Variants in PSMA3 observed in about 807,000 individuals in gnomAD.
PSMA3 encodes proteasome subunit alpha type-3.
A neutral mutation model predicts 40.0 loss-of-function variants in PSMA3; 8 were observed. The ratio of observed to expected loss-of-function variants is 0.20; its 90% CI spans 0.12 to 0.36. PSMA3 has a LOEUF of 0.36. Ranked by LOEUF, PSMA3 falls within the 10% of genes least tolerant of loss-of-function variation. PSMA3 has a pLI of 1.00. For synonymous variants in PSMA3, 110 were observed against 100.0 expected (o/e 1.10, Z -0.59); for missense variants, 219 against 310.6 (o/e 0.70, Z 2.22).
intron 3 of PSMA3, among the ~76,000 whole-genome samples, chr14:58,254,340 A>ATATATATGCATATATATATATGTATG: frequency 2.9e-5 from 1 of 34,780 alleles, no homozygotes. Context: ...ATGCATATAT[A>ATATATATGCATATATATATATGTATG]TATGTATGTA....
chr14:58,266,346 G>A (rs1418416764), intron 7 of PSMA3: 1 of 152,186 alleles, frequency 6.6e-6, no homozygotes, highest in Non-Finnish European at 1.5e-5. Context: ...CTAGACTGCT[G>A]TATGAGCACC....
intron 2 of PSMA3, among the ~76,000 whole-genome samples, chr14:58,250,160 C>T (rs908453792): frequency 1.3e-5 from 2 of 148,360 alleles, no homozygotes; most frequent in African/African-American, 5.0e-5. Flanking sequence ...ATGGAGGTTG[C>T]AGTGAGCCAA....
chr14:58,250,092 C>T (rs1012081362), intron 2 of PSMA3, among the ~76,000 whole-genome samples: 3 of 151,488 alleles, frequency 2.0e-5, no homozygotes, highest in African/African-American at 4.9e-5. Flanking sequence ...TGGCAGTGCG[C>T]GCCTGTAATC....
At chr14:58,264,125 A>G (rs779164755) in intron 7 of PSMA3, among the ~76,000 whole-genome samples, 2 of 152,214 alleles carry the variant, frequency 1.3e-5, no homozygotes, top group Non-Finnish European at 2.9e-5. Flanking sequence ...TAGATTCTGA[A>G]TAACTGCTAT....
chr14:58,258,224 G>A (rs1484448845), intron 5 of PSMA3: 7 of 450,576 alleles, frequency 1.6e-5, no homozygotes, highest in African/African-American at 1.9e-5. Flanking sequence ...GATCCCTCGC[G>A]CCCAGGAGTA....
At chr14:58,247,937 A>G (rs1226017718) in intron 2 of PSMA3, 105 bp downstream of exon 2, 9 of 680,460 alleles carry the variant, frequency 1.3e-5, no homozygotes, top group African/African-American at 1.1e-4. Context: ...TATGTCCCCA[A>G]ATCTCAATTT....
chr14:58,267,579 A>G (rs894431734), intron 8 of PSMA3, 59 bp downstream of exon 8: 8 of 1,486,878 alleles, frequency 5.4e-6, no homozygotes, highest in South Asian at 2.9e-5. Context: ...TTGCATATAT[A>G]TATTACATTA....
chr14:58,270,368 T>C (rs1890579530), intron 8 of PSMA3, 50 bp from the exon 9 acceptor site: 9 of 1,607,608 alleles, frequency 5.6e-6, no homozygotes, highest in East Asian at 2.2e-5. Context: ...TGTGAACTAC[T>C]TCAATGTTTG....
At position 58,271,914 on chromosome 14, in the gene PSMA3, T is replaced by C. The variant is rs1192782025; in HGVS notation, c.*19T>C. 4 of 1,544,788 alleles carry C rather than the reference T, an allele frequency of 2.6e-6. No individual in the cohort carries two copies. Among genetic ancestry groups the C allele is most frequent in the East Asian group, 4.5e-5 (2 of 44,414 alleles). On this transcript the variant is annotated 3_prime_UTR_variant, in exon 11 of 11. Transcript: ENST00000216455. ...TATGTAACATTTACTCCAGCATCTA[T>C]TGTATTTTAAATTTCTACTCCAGTC...
At chr14:58,260,639 C>A (rs945571688) in intron 5 of PSMA3, among the ~76,000 whole-genome samples, 1 of 152,210 alleles carries the variant, frequency 6.6e-6, no homozygotes, top group East Asian at 1.9e-4. Context: ...TGTGTTTATG[C>A]CTTATTTATT....
intron 2 of PSMA3, among the ~76,000 whole-genome samples, chr14:58,251,695 G>T (rs1382211439): frequency 6.6e-6 from 1 of 152,200 alleles, no homozygotes; most frequent in Non-Finnish European, 1.5e-5. Context: ...GCAAAAGGAA[G>T]AATAAATCAT....
intron 8 of PSMA3, chr14:58,270,192 T>G: frequency 1.8e-6 from 1 of 555,132 alleles, no homozygotes; most frequent in Non-Finnish European, 2.8e-6. Context: ...GAACTTGGGT[T>G]GATTAGGTAT....
intron 7 of PSMA3, chr14:58,266,607 A>G (rs1234338095): frequency 1.3e-5 from 2 of 152,216 alleles, no homozygotes; most frequent in Non-Finnish European, 2.9e-5. Flanking sequence ...CTTAATTCTA[A>G]TTTGGAAAAA....
chr14:58,265,201 T>C (rs1187422997), intron 7 of PSMA3: 1 of 152,206 alleles, frequency 6.6e-6, no homozygotes, highest in Non-Finnish European at 1.5e-5. Context: ...AGTTGGGGGC[T>C]ACAGTGAGCT....
At chr14:58,263,191 G>C (rs1209021895) in intron 6 of PSMA3, among the ~76,000 whole-genome samples, 2 of 151,696 alleles carry the variant, frequency 1.3e-5, no homozygotes, top group Non-Finnish European at 2.9e-5. Flanking sequence ...TACAATGTTG[G>C]CCAGGCCGGT....
intron 5 of PSMA3, among the ~76,000 whole-genome samples, chr14:58,259,784 G>C (rs1410678787): frequency 6.6e-6 from 1 of 152,110 alleles, no homozygotes; most frequent in Non-Finnish European, 1.5e-5. Context: ...AGGGAGACTT[G>C]GTAGTTGCAA....
rs963121202 is a variant in PSMA3 at position 58,270,893 on chromosome 14, C to T, written c.659-41C>T. 2.7e-6 allele frequency: 4 copies of T among 1,489,362 alleles called. No individual in the cohort carries two copies. In the East Asian group the frequency reaches 6.8e-5, roughly 25 times the overall value. 92.3% of individuals were successfully genotyped at this position (1,489,362 alleles called of 1,614,324 possible). On this transcript the variant is annotated intron_variant, in intron 9 of 10. Transcript: ENST00000216455. ...GTATACTGCAAGTTACAATATGGTA[C>T]TCAATTTAAAATTCATTTACACATG...
intron 2 of PSMA3, 103 bp downstream of exon 2, chr14:58,247,935 C>G: frequency 7.3e-6 from 5 of 689,626 alleles, no homozygotes; most frequent in Non-Finnish European, 1.2e-5. Context: ...TATATGTCCC[C>G]AAATCTCAAT....
intron 6 of PSMA3, among the ~76,000 whole-genome samples, chr14:58,263,329 G>A (rs916631846): frequency 6.6e-6 from 1 of 151,920 alleles, no homozygotes; most frequent in Non-Finnish European, 1.5e-5. Flanking sequence ...ATAAAATTGG[G>A]GGTTTAGAGT....
Sources: gnomAD v4.1 joint callset for allele counts (sites outside exome capture counted in the v4.1 genomes callset) on GRCh38, gnomAD v4.1.1 for gene constraint, MANE v1.5 for transcripts, NCBI Gene and HGNC (gene_info 2026-07-23, HGNC 2026-07-21) for gene names.